The following STAM2 variants were observed in gnomAD, a reference collection of about 807,000 sequenced individuals.
STAM2 encodes signal transducing adapter molecule 2.
A neutral mutation model predicts 65.6 loss-of-function variants in STAM2; 51 were observed. That is an observed-to-expected ratio of 0.78 (90% CI 0.62 to 0.98). STAM2 has a LOEUF of 0.98. Among genes scored for constraint, STAM2 ranks in the 50% least tolerant of loss-of-function variants. STAM2 has a pLI of 0.00. For missense variants in STAM2, 584 were observed against 617.8 expected, an observed-to-expected ratio of 0.95 and a Z score of 0.58; for synonymous variants, 198 against 208.4, an observed-to-expected ratio of 0.95 and a Z score of 0.43.
At chr2:152,125,661 A>G (rs931086311) in intron 12 of STAM2, among the ~76,000 whole-genome samples, 1 of 152,230 alleles carries the variant, frequency 6.6e-6, no homozygotes, top group Admixed American at 6.5e-5. Context: ...GACATGTATC[A>G]TATCTTTGCT....
intron 2 of STAM2, among the ~76,000 whole-genome samples, chr2:152,148,782 A>T (rs1449258992): frequency 2.0e-5 from 3 of 147,876 alleles, no homozygotes; most frequent in African/African-American, 4.9e-5. Context: ...ATAGAACTTT[A>T]AAAAAAAAAA....
Position 152,120,298 on chromosome 2 carries a change from T to C in STAM2, c.*276A>G. ...GTCATAAGGCTACTTAATGAGTATC[T>C]AGATTTATGTAGAGAAATCTGAAAG... is the stretch of plus-strand genomic sequence containing the variant. On this transcript the variant is annotated 3_prime_UTR_variant, in exon 14 of 14. Coordinates refer to ENST00000263904, the MANE Select transcript of STAM2 (RefSeq NM_005843.6). 2.3e-6 allele frequency: 1 copy of C among 431,474 alleles called. No individual in the cohort carries two copies. Among genetic ancestry groups the C allele is most frequent in the Non-Finnish European group, 4.2e-6 (1 of 238,448 alleles). The allele number at this position is 431,474 out of a possible 1,614,324, so 26.7% of individuals were successfully genotyped here. A position where few individuals can be genotyped will look rare whatever the true frequency, so the allele number is the denominator to read the frequency against.
At chr2:152,144,176 C>T (rs1367468767) in intron 6 of STAM2, among the ~76,000 whole-genome samples, 163 bp from the exon 7 acceptor site, 2 of 152,136 alleles carry the variant, frequency 1.3e-5, no homozygotes, top group Non-Finnish European at 2.9e-5. Context: ...GGAACCATGA[C>T]ATTTTTAAAA....
At chr2:152,173,843 A>G (rs907059862) in intron 1 of STAM2, among the ~76,000 whole-genome samples, 3 of 152,186 alleles carry the variant, frequency 2.0e-5, no homozygotes, top group African/African-American at 7.2e-5. Context: ...TCTTGTCCAG[A>G]AGTTACAGGA....
At chr2:152,126,766 G>T (rs1688970643) in intron 11 of STAM2, among the ~76,000 whole-genome samples, 1 of 152,186 alleles carries the variant, frequency 6.6e-6, no homozygotes, top group African/African-American at 2.4e-5. Context: ...AAAAAAATCA[G>T]ACTGATTACA....
At chr2:152,146,271 C>CA (rs201803866) in intron 5 of STAM2, among the ~76,000 whole-genome samples, 26,137 of 96,992 alleles carry the variant, frequency 0.27, 3,801 homozygotes, top group African/African-American at 0.43. Flanking sequence ...AACTCCATCT[C>CA]AAAAAAAAAA....
chr2:152,142,099 C>A (rs890251231), intron 7 of STAM2, among the ~76,000 whole-genome samples: 1 of 152,156 alleles, frequency 6.6e-6, no homozygotes, highest in African/African-American at 2.4e-5. Flanking sequence ...TTACCAATCA[C>A]CTAAAATGAC....
intron 1 of STAM2, among the ~76,000 whole-genome samples, chr2:152,171,219 T>C (rs1302164765): frequency 1.3e-5 from 2 of 152,174 alleles, no homozygotes; most frequent in Admixed American, 1.3e-4. Flanking sequence ...GCATCTTGAA[T>C]GTTCCTTTCT....
chr2:152,149,386 A>G (rs920103126), intron 2 of STAM2, among the ~76,000 whole-genome samples: 6 of 152,162 alleles, frequency 3.9e-5, no homozygotes, highest in African/African-American at 1.4e-4. Context: ...CCAAAAGTAA[A>G]ACAACTGACC....
At chr2:152,133,570 T>C (rs1388365341) in intron 8 of STAM2, 86 bp from the exon 9 acceptor site, 1 of 976,250 alleles carries the variant, frequency 1.0e-6, no homozygotes, top group Non-Finnish European at 1.5e-6. Context: ...TGATTGTCCA[T>C]AAGAAAAAAA....
intron 6 of STAM2, 56 bp from the exon 7 acceptor site, chr2:152,144,069 A>G: frequency 7.2e-7 from 1 of 1,398,042 alleles, no homozygotes; most frequent in South Asian, 1.3e-5. Context: ...TAAAATAAAC[A>G]TTAGATGACA....
rs527273243 is a variant in STAM2 at position 152,133,256 on chromosome 2, T to C, written c.887A>G (p.Lys296Arg). 6 of 1,605,502 alleles carry C rather than the reference T, an allele frequency of 3.7e-6. No individual in the cohort carries two copies. The highest frequency in any genetic ancestry group is 3.3e-4 in the Middle Eastern group (2 of 6,040). Reference protein sequence around the residue: ...EPEPVYIDEDKMDRALQVLQS... With the variant: ...EPEPVYIDEDRMDRALQVLQS... ...AAGTACCTGCAGGGCTCTATCCATC[T>C]TATCCTAAAAAAGTAACAGGACACT... The change falls in exon 10 of 14, where the codon AAG becomes AGG. Residue 296 changes from lysine (K) to arginine (R), a missense_variant. Physicochemically the swap from Lys to Arg is conservative, Grantham distance 26. Transcript: ENST00000263904.
chr2:152,156,772 G>C (rs559263045), intron 1 of STAM2, among the ~76,000 whole-genome samples: 1 of 152,140 alleles, frequency 6.6e-6, no homozygotes, highest in South Asian at 2.1e-4. Flanking sequence ...TAATAAAATA[G>C]GCTCTATCAG....
chr2:152,146,736 T>C (rs1005822842), intron 5 of STAM2, among the ~76,000 whole-genome samples: 2 of 152,230 alleles, frequency 1.3e-5, no homozygotes, highest in African/African-American at 4.8e-5. Flanking sequence ...CATTCCAATC[T>C]GTAGTCACCT....
chr2:152,122,076 ATGTGTGTGTGTGTG>A (rs997181475), intron 13 of STAM2, among the ~76,000 whole-genome samples: 10 of 103,736 alleles, frequency 9.6e-5, no homozygotes, highest in Non-Finnish European at 1.5e-4. Context: ...ATATATATAT[ATGTGTGTGTGTGTG>A]TGTGTGTGTG....
Position 152,135,575 on chromosome 2 carries a change from G to T in STAM2, c.733C>A (p.His245Asn), listed in dbSNP as rs1434383621. 1 of 1,611,950 alleles carries T rather than the reference G, an allele frequency of 6.2e-7. No homozygotes were observed. Residue 245 changes from histidine to asparagine, a missense_variant, in exon 8 of 14, where the codon CAC becomes AAC. Coordinates refer to ENST00000263904, the MANE Select transcript of STAM2 (RefSeq NM_005843.6). ...SDANWWKGEN[H>N]RGIGLFPSNF... ...GATGGGAAAAGTCCTATTCCTCTGT[G>T]ATTTTCTCCTTTCCACCAATTGGCA...
chr2:152,158,502 A>T (rs947809483), intron 1 of STAM2, among the ~76,000 whole-genome samples: 5 of 152,094 alleles, frequency 3.3e-5, no homozygotes, highest in Non-Finnish European at 7.4e-5. Flanking sequence ...TAATTGTAAT[A>T]CCCGATCACG....
At chr2:152,132,335 T>C (rs1484948569) in intron 10 of STAM2, among the ~76,000 whole-genome samples, 167 bp from the exon 11 acceptor site, 1 of 152,200 alleles carries the variant, frequency 6.6e-6, no homozygotes, top group Non-Finnish European at 1.5e-5. Context: ...CATATTACTA[T>C]CATGTGACTA....
In STAM2 at chr2:152,126,405, T is replaced by C. The variant is rs1330939199; in HGVS notation, c.1026-26A>G. 5 of 1,400,696 alleles carry C rather than the reference T, an allele frequency of 3.6e-6. No homozygotes were observed. In the African/African-American group the frequency reaches 5.9e-5, roughly 17 times the overall value. 86.8% of individuals were successfully genotyped at this position (1,400,696 alleles called of 1,614,324 possible). The stretch of plus-strand genomic sequence containing the variant: ...CTGATGTAGAAGAAAAGTATTATAA[T>C]ACTCTTCTAGTTTTTAGCATGTATT... On this transcript the variant is annotated intron_variant, in intron 11 of 13. Transcript: ENST00000263904.
Sources: allele counts gnomAD v4.1 joint callset (sites outside exome capture counted in the v4.1 genomes callset), GRCh38; gene constraint gnomAD v4.1.1; transcripts MANE v1.5; gene names NCBI Gene and HGNC (gene_info 2026-07-23, HGNC 2026-07-21).